The following CDH8 variants were observed in gnomAD, a reference collection of about 807,000 sequenced individuals.
CDH8 encodes the protein cadherin-8.
Under a neutral mutation model 68.1 loss-of-function variants are expected in CDH8, and 17 were observed. That is an observed-to-expected ratio of 0.25 (90% CI 0.17 to 0.37). CDH8 has a LOEUF of 0.37. CDH8 is among the 10% of genes least tolerant of loss of function. The pLI is 1.00. For synonymous variants in CDH8, 372 were observed against 365.1 expected (o/e 1.02, Z -0.21); for missense variants, 763 against 999.3 (o/e 0.76, Z 3.19).
rs147396191 is a variant in CDH8 at position 61,737,413 on chromosome 16, G to A, written c.1415-10198C>T. 4.1e-4 allele frequency among the ~76,000 whole-genome samples: 62 copies of A among 151,972 alleles called. 1 individual carries two copies. In the East Asian group the frequency reaches 7.9e-3, roughly 19 times the overall value. ...TTGAATAGGTAATAAGAGGAGCAGT[G>A]GAATTTTATAAAAATAAGAAGATGT... On this transcript the variant is annotated intron_variant, in intron 8 of 11. Transcript: ENST00000577390.
At chr16:62,032,657 G>A (rs1052263168) in intron 1 of CDH8, among the ~76,000 whole-genome samples, 49 of 152,086 alleles carry the variant, frequency 3.2e-4, no homozygotes, top group African/African-American at 1.2e-3. Context: ...CTAATAGAAA[G>A]GCTTCTCCGA....
chr16:61,908,334 G>T (rs900814317), intron 2 of CDH8, among the ~76,000 whole-genome samples: 4 of 152,114 alleles, frequency 2.6e-5, no homozygotes, highest in African/African-American at 9.7e-5. Context: ...TTAGTTTTGG[G>T]CCCAAGTCTC....
chr16:61,714,476 A>G (rs1482686941), intron 9 of CDH8, among the ~76,000 whole-genome samples: 1 of 151,608 alleles, frequency 6.6e-6, no homozygotes, highest in East Asian at 1.9e-4. Flanking sequence ...GTTCCCTCCC[A>G]ATAATTAATA....
intron 8 of CDH8, among the ~76,000 whole-genome samples, chr16:61,740,261 A>C (rs997235540): frequency 7.9e-5 from 12 of 152,040 alleles, no homozygotes; most frequent in Admixed American, 3.3e-4. Context: ...ATAATAAACT[A>C]ATAATGTCAA....
intron 2 of CDH8, among the ~76,000 whole-genome samples, chr16:61,906,455 A>G (rs1964063770): frequency 6.6e-6 from 1 of 152,192 alleles, no homozygotes; most frequent in African/African-American, 2.4e-5. Flanking sequence ...CCAGTCATAT[A>G]CAGTAAGCCT....
intron 2 of CDH8, among the ~76,000 whole-genome samples, chr16:61,913,104 A>C (rs1190524102): frequency 6.6e-6 from 1 of 152,164 alleles, no homozygotes; most frequent in African/African-American, 2.4e-5. Flanking sequence ...GATTTTTAGA[A>C]AACTTCAACA....
intron 10 of CDH8, among the ~76,000 whole-genome samples, chr16:61,671,553 T>C (rs1177011218): frequency 6.6e-6 from 1 of 151,996 alleles, no homozygotes; most frequent in Non-Finnish European, 1.5e-5. Flanking sequence ...TTTTAAAGTT[T>C]AATATGTGAT....
At chr16:61,864,209 G>A (rs909892974) in intron 3 of CDH8, among the ~76,000 whole-genome samples, 3 of 152,154 alleles carry the variant, frequency 2.0e-5, no homozygotes, top group Non-Finnish European at 4.4e-5. Flanking sequence ...ATGGAAAAAT[G>A]CTCTGGGATA....
intron 3 of CDH8, among the ~76,000 whole-genome samples, chr16:61,862,390 A>G (rs1047637752): frequency 6.6e-6 from 1 of 152,174 alleles, no homozygotes; most frequent in African/African-American, 2.4e-5. Flanking sequence ...AATGAATGCC[A>G]TATCTCCCAG....
chr16:61,903,118 A>G (rs1219563793), intron 2 of CDH8, among the ~76,000 whole-genome samples: 3 of 152,214 alleles, frequency 2.0e-5, no homozygotes, highest in Non-Finnish European at 2.9e-5. Context: ...TTTGTCCACA[A>G]AACTTTGTTA....
intron 8 of CDH8, among the ~76,000 whole-genome samples, chr16:61,780,300 C>T (rs2142992103): frequency 6.6e-6 from 1 of 152,274 alleles, no homozygotes. Context: ...TGGACATCTG[C>T]CTGCCAGCTC....
chr16:61,976,207 A>G (rs1180480480), intron 2 of CDH8, among the ~76,000 whole-genome samples: 2 of 152,192 alleles, frequency 1.3e-5, no homozygotes, highest in African/African-American at 4.8e-5. Context: ...TTAGCTGTGC[A>G]AATTTGGAGA....
intron 1 of CDH8, among the ~76,000 whole-genome samples, chr16:62,026,420 AAGT>A (rs1180663004): frequency 2.0e-5 from 3 of 152,294 alleles, no homozygotes; most frequent in Admixed American, 1.3e-4. Flanking sequence ...TTTGCGAAGC[AAGT>A]AGTTCTACAG....
chr16:61,905,308 A>G (rs1442641812), intron 2 of CDH8, among the ~76,000 whole-genome samples: 1 of 152,168 alleles, frequency 6.6e-6, no homozygotes. Flanking sequence ...GACACAGACA[A>G]AGTCTCTGCT....
intron 7 of CDH8, among the ~76,000 whole-genome samples, chr16:61,811,887 A>G (rs1295367772): frequency 1.3e-5 from 2 of 152,190 alleles, no homozygotes; most frequent in East Asian, 3.9e-4. Context: ...GTTGCCAGGG[A>G]CTGGGGAAAA....
chr16:61,661,246 A>G (rs1468297914), intron 10 of CDH8, among the ~76,000 whole-genome samples: 2 of 151,992 alleles, frequency 1.3e-5, no homozygotes, highest in Non-Finnish European at 2.9e-5. Flanking sequence ...GAAAAACAAT[A>G]CAAACTATAC....
At chr16:61,889,439 C>T (rs907530759) in intron 3 of CDH8, among the ~76,000 whole-genome samples, 5 of 152,076 alleles carry the variant, frequency 3.3e-5, no homozygotes, top group African/African-American at 7.2e-5. Context: ...CAAGGAGACT[C>T]GAGGAAATCC....
chr16:61,954,712 A>G (rs1260276122), intron 2 of CDH8, among the ~76,000 whole-genome samples: 3 of 151,774 alleles, frequency 2.0e-5, no homozygotes, highest in Non-Finnish European at 4.4e-5. Context: ...AAAAAAAAAA[A>G]AAAAAGAAAG....
intron 1 of CDH8, among the ~76,000 whole-genome samples, chr16:62,030,038 T>G (rs1902288005): frequency 1.3e-5 from 2 of 152,190 alleles, no homozygotes; most frequent in African/African-American, 2.4e-5. Flanking sequence ...GCCAATTAGA[T>G]TACACTGTGT....
Sources: gnomAD v4.1 joint callset for allele counts (sites outside exome capture counted in the v4.1 genomes callset) on GRCh38, gnomAD v4.1.1 for gene constraint, MANE v1.5 for transcripts, NCBI Gene and HGNC (gene_info 2026-07-23, HGNC 2026-07-21) for gene names.